The following CDH13 variants were observed in gnomAD, a reference collection of about 807,000 sequenced individuals.
CDH13 encodes cadherin 13.
CDH13 carries 24 observed loss-of-function variants against 63.8 expected under a neutral mutation model. That is an observed-to-expected ratio of 0.38 (90% CI 0.27 to 0.53). The LOEUF (loss-of-function observed/expected upper bound fraction) is 0.53, where lower values mean the gene tolerates loss of function less well. Ranked by LOEUF, CDH13 falls within the 20% of genes least tolerant of loss-of-function variation. The probability of loss-of-function intolerance (pLI) is 0.85; values close to 1 mark genes in which losing one functional copy is unlikely to be tolerated. For synonymous variants in CDH13, 503 were observed against 355.3 expected (o/e 1.42, Z -4.67); for missense variants, 1,049 against 903.1 (o/e 1.16, Z -2.07).
At chr16:82,746,373 A>C (rs1247914478) in intron 1 of CDH13, among the ~76,000 whole-genome samples, 1 of 152,048 alleles carries the variant, frequency 6.6e-6, no homozygotes, top group African/African-American at 2.4e-5. Flanking sequence ...TTTAAAATCT[A>C]GGCAAACCTG....
At chr16:83,039,552 T>G (rs903783648) in intron 3 of CDH13, among the ~76,000 whole-genome samples, 5 of 152,178 alleles carry the variant, frequency 3.3e-5, no homozygotes, top group Non-Finnish European at 5.9e-5. Flanking sequence ...GTGTTTAATG[T>G]CCGCCTTGGA....
chr16:83,679,058 T>C (rs990648142), intron 10 of CDH13, among the ~76,000 whole-genome samples: 2 of 151,268 alleles, frequency 1.3e-5, no homozygotes, highest in African/African-American at 2.4e-5. Flanking sequence ...AAATAGACCA[T>C]TGGGATTGGC....
intron 13 of CDH13, among the ~76,000 whole-genome samples, chr16:83,792,566 T>C (rs1432737632): frequency 6.6e-6 from 1 of 152,200 alleles, no homozygotes; most frequent in African/African-American, 2.4e-5. Context: ...ACGCCACTAG[T>C]GGCATCTAGT....
At chr16:83,653,960 A>G (rs1434474856) in intron 8 of CDH13, among the ~76,000 whole-genome samples, 6 of 152,170 alleles carry the variant, frequency 3.9e-5, no homozygotes, top group Non-Finnish European at 8.8e-5. Context: ...TGGAGAGTGA[A>G]ATGAACGAGT....
At chr16:83,643,560 A>G (rs1415148480) in intron 8 of CDH13, among the ~76,000 whole-genome samples, 1 of 152,104 alleles carries the variant, frequency 6.6e-6, no homozygotes, top group Non-Finnish European at 1.5e-5. Context: ...CACCTGCTAC[A>G]TAGTAATGTC....
intron 3 of CDH13, among the ~76,000 whole-genome samples, chr16:83,119,389 C>G (rs992008165): frequency 6.6e-6 from 1 of 152,150 alleles, no homozygotes; most frequent in Non-Finnish European, 1.5e-5. Flanking sequence ...CCCTAGAAAT[C>G]TCTGCTTCAC....
chr16:83,045,044 A>G (rs1250353806), intron 3 of CDH13, among the ~76,000 whole-genome samples: 1 of 152,178 alleles, frequency 6.6e-6, no homozygotes, highest in Non-Finnish European at 1.5e-5. Context: ...TCTTTTTACA[A>G]TTCCTCTCTT....
chr16:82,710,841 A>C (rs1409643556), intron 1 of CDH13, among the ~76,000 whole-genome samples: 2 of 151,006 alleles, frequency 1.3e-5, no homozygotes, highest in Admixed American at 1.3e-4. Flanking sequence ...ACTTTTATAC[A>C]TAAATGTGTA....
chr16:82,998,517 T>C (rs1408390919), intron 2 of CDH13, among the ~76,000 whole-genome samples: 1 of 152,170 alleles, frequency 6.6e-6, no homozygotes, highest in East Asian at 1.9e-4. Context: ...ATCTCACTAC[T>C]AGACTTTTCT....
intron 1 of CDH13, among the ~76,000 whole-genome samples, chr16:82,741,984 G>A (rs1028465325): frequency 6.6e-6 from 1 of 152,098 alleles, no homozygotes; most frequent in Non-Finnish European, 1.5e-5. Flanking sequence ...TAGGATTGCT[G>A]ATTATAGCAT....
chr16:83,665,836 C>T (rs147248480), intron 8 of CDH13, among the ~76,000 whole-genome samples: 7 of 152,272 alleles, frequency 4.6e-5, no homozygotes, highest in African/African-American at 1.2e-4. Context: ...ACTTTCTGCT[C>T]TTGGAGGAAG....
chr16:83,133,086 T>C (rs534466394), intron 4 of CDH13, among the ~76,000 whole-genome samples: 81 of 152,226 alleles, frequency 5.3e-4, no homozygotes, highest in Non-Finnish European at 1.0e-3. Context: ...ACTAACCACA[T>C]GTGGTCAATG....
intron 3 of CDH13, among the ~76,000 whole-genome samples, chr16:83,083,522 A>G (rs1315750976): frequency 6.6e-6 from 1 of 152,230 alleles, no homozygotes; most frequent in Middle Eastern, 3.2e-3. Flanking sequence ...CATGCCCAGT[A>G]TCACAGAGCT....
chr16:83,446,069 TG>T (rs2072678996), intron 6 of CDH13, among the ~76,000 whole-genome samples: 1 of 151,448 alleles, frequency 6.6e-6, no homozygotes, highest in Non-Finnish European at 1.5e-5. Context: ...GAGGCTGAGG[TG>T]GGGGGGCAGA....
At chr16:83,146,206 A>AAAAAAAAAAAAAAAAG (rs1472391722) in intron 4 of CDH13, among the ~76,000 whole-genome samples, 1 of 147,760 alleles carries the variant, frequency 6.8e-6, no homozygotes, top group African/African-American at 2.6e-5. Context: ...AAAAAAAAAA[A>AAAAAAAAAAAAAAAAG]AAAAGAAAAG....
chr16:83,208,473 T>G (rs2151775045), intron 4 of CDH13, among the ~76,000 whole-genome samples: 1 of 152,220 alleles, frequency 6.6e-6, no homozygotes, highest in South Asian at 2.1e-4. Flanking sequence ...CAACAGTGTT[T>G]TTTTTTTTCC....
intron 5 of CDH13, among the ~76,000 whole-genome samples, chr16:83,228,298 C>A (rs996392103): frequency 2.0e-5 from 3 of 152,206 alleles, no homozygotes; most frequent in South Asian, 2.1e-4. Context: ...AGTCCCCACA[C>A]GTCCGCAGGG....
intron 7 of CDH13, among the ~76,000 whole-genome samples, chr16:83,584,112 G>A (rs1056772839): frequency 2.6e-5 from 4 of 152,070 alleles, no homozygotes; most frequent in Non-Finnish European, 5.9e-5. Context: ...GGCGGATCAC[G>A]AGGTCAGGAG....
chr16:82,719,337 T>C (rs2032607722), intron 1 of CDH13: 2 of 455,454 alleles, frequency 4.4e-6, no homozygotes. Context: ...AGCTTGGAAC[T>C]TAAAAGTCTA....
Sources: allele counts gnomAD v4.1 joint callset (sites outside exome capture counted in the v4.1 genomes callset), GRCh38; gene constraint gnomAD v4.1.1; transcripts MANE v1.5; gene names NCBI Gene and HGNC (gene_info 2026-07-23, HGNC 2026-07-21).